TTC39A: variants seen among roughly 807,000 people sequenced by gnomAD.
TTC39A encodes the protein tetratricopeptide repeat protein 39A.
TTC39A carries 46 observed loss-of-function variants against 82.3 expected under a neutral mutation model. The ratio of observed to expected loss-of-function variants is 0.56; its 90% CI spans 0.44 to 0.71. The LOEUF is 0.71. Among genes scored for constraint, TTC39A ranks in the 30% least tolerant of loss-of-function variants. The pLI is 0.00. For synonymous variants in TTC39A, 254 were observed against 275.2 expected (o/e 0.92, Z 0.76); for missense variants, 543 against 712.9 (o/e 0.76, Z 2.71).
At chr1:51,331,521 C>T (rs1399388631), upstream of TTC39A, 19 of 985,386 alleles carry the variant, frequency 1.9e-5, no homozygotes, top group Non-Finnish European at 2.3e-5. Flanking sequence ...ACCTCCAGGA[C>T]GTCAGAAGAG....
intron 6 of TTC39A, among the ~76,000 whole-genome samples, chr1:51,308,816 T>C (rs1644972266): frequency 6.6e-6 from 1 of 152,152 alleles, no homozygotes; most frequent in Non-Finnish European, 1.5e-5. Flanking sequence ...CGTGCATGTG[T>C]GCATGTGCAT....
At chr1:51,317,463 A>T (rs1305369973) in intron 2 of TTC39A, among the ~76,000 whole-genome samples, 1 of 152,126 alleles carries the variant, frequency 6.6e-6, no homozygotes, top group Non-Finnish European at 1.5e-5. Context: ...AAAAAGAAAG[A>T]AAGGGCCTGG....
intron 11 of TTC39A, 22 bp downstream of exon 11, chr1:51,302,335 G>A (rs1183412395): frequency 1.6e-5 from 25 of 1,579,132 alleles, no homozygotes; most frequent in East Asian, 4.6e-5. Flanking sequence ...CCCCAGCCCC[G>A]GCCCGGACCC....
chr1:51,302,237 T>C, intron 11 of TTC39A, 120 bp downstream of exon 11: 1 of 751,380 alleles, frequency 1.3e-6, no homozygotes, highest in South Asian at 1.5e-5. Flanking sequence ...TGGTTCTCTC[T>C]TGGCCCCCCC....
In TTC39A at chr1:51,311,330, A is replaced by G. The variant is rs569869590; in HGVS notation, c.356-9T>C. 2.3e-5 allele frequency: 36 copies of G among 1,568,054 alleles called. No homozygotes were observed. In the South Asian group the frequency reaches 3.9e-4, roughly 17 times the overall value. Reference sequence around the variant, plus strand: ...CTCAGCGTGGATTTCCTCTGTGGGGAGAAAACCAAAGCCCCGTGGCCTCCT... The same window carrying G: ...CTCAGCGTGGATTTCCTCTGTGGGGGGAAAACCAAAGCCCCGTGGCCTCCT... On this transcript the variant is annotated splice_polypyrimidine_tract_variant and intron_variant, in intron 4 of 17. Transcript: ENST00000680483.
Position 51,324,683 on chromosome 1 carries a change from G to A in TTC39A, c.42-2858C>T, listed in dbSNP as rs376544416. On this transcript the variant is annotated intron_variant, in intron 1 of 17. Coordinates refer to ENST00000680483, the MANE Select transcript of TTC39A (RefSeq NM_001297663.2). ...ATGACAGGTGCCCACCACCATGCCC[G>A]ACTAATTTTTTTGTATTTTCAGTAG... Among the ~76,000 whole-genome samples the A allele has an allele frequency of 8.6e-5, 13 of 151,900 alleles. No homozygotes were observed. In the East Asian group the frequency reaches 9.8e-4, roughly 11 times the overall value.
At chr1:51,301,388 AT>A in intron 12 of TTC39A, 183 bp downstream of exon 12, 1 of 672,446 alleles carries the variant, frequency 1.5e-6, no homozygotes. Flanking sequence ...TTTGTGACAC[AT>A]TGTGGTTCAG....
rs1407836985 is a variant in TTC39A, at chr1:51,303,157, T to A, written c.690A>T (p.Ser230=). ...YGLLQLEEGA[S]GHSFRSVLCV... ...AGAGCACAGAGCGGAAGCTGTGCCC[T>A]GACGCTCCCTCCTCCAGCTGCAGCA... is the stretch of plus-strand genomic sequence containing the variant. Residue 230 remains serine (S), a synonymous_variant, in exon 9 of 18, where the codon TCA becomes TCT. Coordinates refer to ENST00000680483, the MANE Select transcript of TTC39A (RefSeq NM_001297663.2). The A allele has an allele frequency of 6.4e-7, 1 of 1,558,408 alleles. No individual in the cohort carries two copies. The highest frequency in any genetic ancestry group is 1.9e-5 in the Admixed American group (1 of 54,036).
At chr1:51,330,939 A>G (rs1238857082), upstream of TTC39A, 3 of 622,656 alleles carry the variant, frequency 4.8e-6, no homozygotes, top group Non-Finnish European at 5.8e-6. The surrounding 1 kb of genome is among the most constrained non-coding windows in gnomAD (Gnocchi z 4.5). Context: ...GCATTCGTGC[A>G]GACAAAGACA....
At chr1:51,339,181 A>C (rs1378902518) in intron 1 of TTC39A, among the ~76,000 whole-genome samples, 1 of 152,164 alleles carries the variant, frequency 6.6e-6, no homozygotes, top group Non-Finnish European at 1.5e-5. Context: ...GCAGGAGGCA[A>C]AACAAATTTC....
intron 1 of TTC39A, among the ~76,000 whole-genome samples, chr1:51,325,565 C>T (rs184164729): frequency 2.6e-5 from 4 of 152,114 alleles, no homozygotes; most frequent in East Asian, 3.9e-4. Context: ...GGGATTATTA[C>T]CCCCCCACAC....
intron 2 of TTC39A, among the ~76,000 whole-genome samples, chr1:51,319,719 C>T (rs1322949053): frequency 6.8e-6 from 1 of 147,274 alleles, no homozygotes; most frequent in East Asian, 2.0e-4. Flanking sequence ...CAGACAGAGT[C>T]TCACTCTGTC....
rs1445243128 is a variant in TTC39A at position 51,321,644 on chromosome 1, G to T, written c.146+77C>A. ...AGCCAAAGGCATTTAGTTACACAGG[G>T]TTCCTCTCATACAAGACCTCTGGTT... On this transcript the variant is annotated intron_variant, in intron 2 of 17. Transcript: ENST00000680483. This position sits in a 1 kb window ranked among gnomAD's most constrained non-coding sequence, Gnocchi z 4.6. 3 of 1,363,490 alleles carry T rather than the reference G, an allele frequency of 2.2e-6. No homozygotes were observed. Among genetic ancestry groups the T allele is most frequent in the Non-Finnish European group, 3.1e-6 (3 of 971,704 alleles). The allele number at this position is 1,363,490 out of a possible 1,614,324, so 84.5% of individuals were successfully genotyped here.
intron 1 of TTC39A, among the ~76,000 whole-genome samples, chr1:51,342,466 A>T (rs1646048561): frequency 1.3e-5 from 2 of 152,198 alleles, no homozygotes; most frequent in African/African-American, 4.8e-5. Context: ...GCTCACACAG[A>T]TCAAACAATG....
chr1:51,321,661 C>T lies in TTC39A; in HGVS notation c.146+60G>A. The T allele has an allele frequency of 6.6e-7, 1 of 1,509,232 alleles. No homozygotes were observed. Among genetic ancestry groups the T allele is most frequent in the Non-Finnish European group, 9.1e-7 (1 of 1,095,752 alleles). The allele number at this position is 1,509,232 out of a possible 1,614,324, so 93.5% of individuals were successfully genotyped here. ...TACACAGGGTTCCTCTCATACAAGA[C>T]CTCTGGTTCTCCCTGACCGTCATGC... On this transcript the variant is annotated intron_variant, in intron 2 of 17. Coordinates refer to ENST00000680483, the MANE Select transcript of TTC39A (RefSeq NM_001297663.2). The surrounding 1 kb of genome is among the most constrained non-coding windows in gnomAD (Gnocchi z 4.6).
At chr1:51,316,791 C>T (rs759943297) in intron 2 of TTC39A, among the ~76,000 whole-genome samples, 26 of 152,290 alleles carry the variant, frequency 1.7e-4, no homozygotes, top group Middle Eastern at 3.4e-3. Flanking sequence ...CCCAGTGCAC[C>T]CTTTCCACCT....
At chr1:51,301,974 A>G in intron 11 of TTC39A, 2 of 649,094 alleles carry the variant, frequency 3.1e-6, no homozygotes, top group Non-Finnish European at 5.5e-6. Flanking sequence ...TCTGGTTTTT[A>G]GTAACAAAAT....
At chr1:51,318,929 A>G (rs189544127) in intron 2 of TTC39A, among the ~76,000 whole-genome samples, 193 of 152,320 alleles carry the variant, frequency 1.3e-3, no homozygotes, top group African/African-American at 4.5e-3. Context: ...ACAGACAGCC[A>G]GGGATGGTTG....
Position 51,307,105 on chromosome 1 carries a change from G to T in TTC39A, c.489-1029C>A, listed in dbSNP as rs564719329. ...CTGGGGGAAGGCCCAATGACCTAAG[G>T]CAGAGTGAAGTGGGAGATGTGGCAA... On this transcript the variant is annotated intron_variant, in intron 6 of 17. Coordinates refer to ENST00000680483, the MANE Select transcript of TTC39A (RefSeq NM_001297663.2). Among the ~76,000 whole-genome samples, 4 of 152,306 alleles carry T rather than the reference G, an allele frequency of 2.6e-5. No individual in the cohort carries two copies. The South Asian group carries it at 8.3e-4, about 32-fold the overall frequency.
Sources: gnomAD v4.1 joint callset for allele counts (sites outside exome capture counted in the v4.1 genomes callset) on GRCh38, gnomAD v4.1.1 for gene constraint, Gnocchi (gnomAD v3.1) non-coding constraint, MANE v1.5 for transcripts, NCBI Gene and HGNC (gene_info 2026-07-23, HGNC 2026-07-21) for gene names.